Variants in KLHL26 observed in about 807,000 individuals in gnomAD.
KLHL26 encodes the protein kelch-like protein 26.
KLHL26 carries 4 observed loss-of-function variants against 7.1 expected under a neutral mutation model. The observed-to-expected ratio is 0.56, with a 90% confidence interval of 0.28 to 1.28. The LOEUF is 1.28. Among genes scored for constraint, KLHL26 ranks in the 50% most tolerant of loss-of-function variants. The pLI is 0.11. For synonymous variants in KLHL26, 465 were observed against 414.1 expected, an observed-to-expected ratio of 1.12 and a Z score of -1.49; for missense variants, 896 against 924.6, an observed-to-expected ratio of 0.97 and a Z score of 0.40.
chr19:18,642,741 T>G (rs1976737163), intron 1 of KLHL26, among the ~76,000 whole-genome samples: 1 of 151,934 alleles, frequency 6.6e-6, no homozygotes, highest in African/African-American at 2.4e-5. Flanking sequence ...TGCAGTGTCG[T>G]AGCTACCTGC....
chr19:18,638,618 G>T (rs1253874347), intron 1 of KLHL26, among the ~76,000 whole-genome samples: 1 of 152,242 alleles, frequency 6.6e-6, no homozygotes, highest in African/African-American at 2.4e-5. Flanking sequence ...GCAAGTAAGG[G>T]ACAGGGAAGA....
At position 18,647,085 on chromosome 19, in the gene KLHL26, T is replaced by C. The variant is rs76813978; in HGVS notation, c.83+9948T>C. ...GGCCACTCGATCTGCCCCTCACAGC[T>C]GAGCCCCTTCTCTGGGAAGGAGGCC... On this transcript the variant is annotated intron_variant, in intron 1 of 2. Transcript: ENST00000300976. Among the ~76,000 whole-genome samples, 714 of 152,346 alleles carry C rather than the reference T, an allele frequency of 4.7e-3. 3 individuals are homozygous for C. Among genetic ancestry groups the C allele is most frequent in the African/African-American group, 0.016 (673 of 41,588 alleles).
intron 1 of KLHL26, among the ~76,000 whole-genome samples, chr19:18,638,600 A>G (rs1432065288): frequency 6.6e-6 from 1 of 152,174 alleles, no homozygotes; most frequent in Admixed American, 6.5e-5. Flanking sequence ...AAAATTGGGT[A>G]TCAGTTGGCA....
At chr19:18,662,551 C>A (rs1229831717) in intron 1 of KLHL26, among the ~76,000 whole-genome samples, 1 of 152,210 alleles carries the variant, frequency 6.6e-6, no homozygotes, top group Non-Finnish European at 1.5e-5. Flanking sequence ...CAAGGAGAGA[C>A]CTTGAGGGTC....
At chr19:18,658,765 G>C (rs1442913776) in intron 1 of KLHL26, among the ~76,000 whole-genome samples, 1 of 146,484 alleles carries the variant, frequency 6.8e-6, no homozygotes, top group Non-Finnish European at 1.5e-5. Flanking sequence ...CTGTCTCCCT[G>C]TCTCTAGGTA....
intron 2 of KLHL26, 21 bp downstream of exon 2, chr19:18,664,464 G>A (rs372251171): frequency 6.5e-7 from 1 of 1,530,484 alleles, no homozygotes; most frequent in African/African-American, 1.4e-5. Context: ...GCCCCAGGCA[G>A]CTGGAAGGGG....
At chr19:18,655,690 C>CTT in intron 1 of KLHL26, among the ~76,000 whole-genome samples, 1 of 152,084 alleles carries the variant, frequency 6.6e-6, no homozygotes, top group Non-Finnish European at 1.5e-5. Flanking sequence ...GGGAGGGGTG[C>CTT]TGTGGAGGCA....
At chr19:18,652,841 G>A (rs922563437) in intron 1 of KLHL26, among the ~76,000 whole-genome samples, 2 of 152,200 alleles carry the variant, frequency 1.3e-5, no homozygotes, top group East Asian at 1.9e-4. Flanking sequence ...GGGTGGTGCA[G>A]TTCTGGTTCC....
chr19:18,651,903 A>G (rs2052262279), intron 1 of KLHL26, among the ~76,000 whole-genome samples: 1 of 152,106 alleles, frequency 6.6e-6, no homozygotes, highest in Admixed American at 6.5e-5. Flanking sequence ...AAGTCGGGGG[A>G]TGGGCTGTGG....
In KLHL26 at chr19:18,671,519, T is replaced by G. The variant is rs759783553; in HGVS notation, c.*2274T>G. On this transcript the variant is annotated 3_prime_UTR_variant, in exon 3 of 3. Coordinates refer to ENST00000300976, the MANE Select transcript of KLHL26 (RefSeq NM_018316.3). ...TCAGAACATCTTGTCCCCAGTGAGCTGGCAGGGGCGCCGGCCCAGGGCGGG... is the reference window on the plus strand; with the variant it reads ...TCAGAACATCTTGTCCCCAGTGAGCGGGCAGGGGCGCCGGCCCAGGGCGGG... 3 of 152,244 alleles carry G rather than the reference T, an allele frequency of 2.0e-5. No homozygotes were observed. Among genetic ancestry groups the G allele is most frequent in the Non-Finnish European group, 2.9e-5 (2 of 68,086 alleles). 9.4% of individuals were successfully genotyped at this position (152,244 alleles called of 1,614,324 possible).
chr19:18,644,665 A>C (rs1243164017), intron 1 of KLHL26: 1 of 152,254 alleles, frequency 6.6e-6, no homozygotes, highest in Admixed American at 6.5e-5. Flanking sequence ...GCAGTCTGGC[A>C]GGTAGGAATT....
intron 1 of KLHL26, among the ~76,000 whole-genome samples, chr19:18,638,351 C>G (rs1442623260): frequency 1.3e-5 from 2 of 152,112 alleles, no homozygotes; most frequent in African/African-American, 4.8e-5. Flanking sequence ...GATGGCTGGG[C>G]CAGGGCACAG....
intron 1 of KLHL26, among the ~76,000 whole-genome samples, chr19:18,662,837 G>C (rs994466771): frequency 1.3e-5 from 2 of 152,098 alleles, no homozygotes; most frequent in African/African-American, 2.4e-5. Context: ...AAGTGGGATC[G>C]GGGCCGATGT....
In KLHL26 at chr19:18,668,070, G is replaced by A. The variant is rs143601129; in HGVS notation, c.673G>A (p.Asp225Asn). The change falls in exon 3 of 3, where the codon GAC becomes AAC. Residue 225 changes from aspartate (D) to asparagine (N), a missense_variant. Asp to Asn is a conservative substitution (Grantham distance 23). Transcript: ENST00000300976. ...CCGGCTGCAGAGCTGTGCCGAGATC[G>A]ACCTGTTCCGCGCGGCCGTCCGCTG... ...SNRLQSCAEI[D>N]LFRAAVRWLQ... 7.5e-6 allele frequency: 12 copies of A among 1,606,586 alleles called. No individual in the cohort carries two copies. In the African/African-American group the frequency reaches 8.0e-5, roughly 11 times the overall value.
chr19:18,637,266 G>T (rs2145363920), intron 1 of KLHL26, 129 bp downstream of exon 1: 1 of 1,019,138 alleles, frequency 9.8e-7, no homozygotes, highest in East Asian at 3.3e-5. Flanking sequence ...TGAGAATTTG[G>T]ACTTTACGGG....
Position 18,646,897 on chromosome 19 carries a change from G to A in KLHL26, c.83+9760G>A, listed in dbSNP as rs1036397768. Among the ~76,000 whole-genome samples, 6 of 152,094 alleles carry A rather than the reference G, an allele frequency of 3.9e-5. No homozygotes were observed. The highest frequency in any genetic ancestry group is 5.9e-5 in the Non-Finnish European group (4 of 67,992). Reference sequence around the variant, plus strand: ...AGCGAGAGAGTAGAGCACGTCCAGCGTGAGCTGGAGAGGGCAGGTTCCGCC... The same window carrying A: ...AGCGAGAGAGTAGAGCACGTCCAGCATGAGCTGGAGAGGGCAGGTTCCGCC... On this transcript the variant is annotated intron_variant, in intron 1 of 2. Transcript: ENST00000300976. This position sits in a 1 kb window ranked among gnomAD's most constrained non-coding sequence, Gnocchi z 5.0.
chr19:18,667,762 ACAG>A lies in KLHL26; in HGVS notation c.367_369del (p.Ser123del), dbSNP rs1397186996. The A allele has an allele frequency of 1.2e-6, 2 of 1,613,312 alleles. No homozygotes were observed. The highest frequency in any genetic ancestry group is 2.2e-5 in the East Asian group (1 of 44,876). On this transcript the variant is annotated inframe_deletion, in exon 3 of 3. Coordinates refer to ENST00000300976, the MANE Select transcript of KLHL26 (RefSeq NM_018316.3). ...CTGCGGCACATCATCGACTTCGCCTACAGCGCCGAGGTGACACTGGACCTGGAC... is the reference window on the plus strand; with the variant it reads ...CTGCGGCACATCATCGACTTCGCCTACGCCGAGGTGACACTGGACCTGGAC...
At chr19:18,663,031 C>T (rs908947964) in intron 1 of KLHL26, among the ~76,000 whole-genome samples, 2 of 152,196 alleles carry the variant, frequency 1.3e-5, no homozygotes, top group African/African-American at 4.8e-5. Context: ...CTCCAGCACC[C>T]CCAGCACCGC....
At position 18,649,649 on chromosome 19, in the gene KLHL26, C is replaced by A. The variant is rs1438347892; in HGVS notation, c.83+12512C>A. On this transcript the variant is annotated intron_variant, in intron 1 of 2. Transcript: ENST00000300976. The surrounding 1 kb of genome is among the most constrained non-coding windows in gnomAD (Gnocchi z 4.0). Reference sequence around the variant, plus strand: ...GAAGTGGAAGTGGGGGCCAAGCCCGCTGGGTTCCCGCTGCCGGCAGCCCCG... The same window carrying A: ...GAAGTGGAAGTGGGGGCCAAGCCCGATGGGTTCCCGCTGCCGGCAGCCCCG... Among the ~76,000 whole-genome samples, 3 of 152,268 alleles carry A rather than the reference C, an allele frequency of 2.0e-5. No homozygotes were observed. The highest frequency in any genetic ancestry group is 7.2e-5 in the African/African-American group (3 of 41,482).
Sources: gnomAD v4.1 joint callset for allele counts (sites outside exome capture counted in the v4.1 genomes callset) on GRCh38, gnomAD v4.1.1 for gene constraint, Gnocchi (gnomAD v3.1) non-coding constraint, MANE v1.5 for transcripts, NCBI Gene and HGNC (gene_info 2026-07-23, HGNC 2026-07-21) for gene names.